DRC11: variants seen among roughly 807,000 people sequenced by gnomAD.
DRC11 encodes IQ and AAA domain-containing protein 1.
chr2:236,357,579 TA>T, the DRC11 span, among the ~76,000 whole-genome samples: 1 of 127,104 alleles, frequency 7.9e-6, no homozygotes, highest in Non-Finnish European at 1.5e-5. Flanking sequence ...CATAGTTATA[TA>T]TTATAAATAT....
At chr2:236,444,862 A>G in the DRC11 span, among the ~76,000 whole-genome samples, 1 of 152,228 alleles carries the variant, frequency 6.6e-6, no homozygotes, top group Non-Finnish European at 1.5e-5. Context: ...CTGACATTCA[A>G]AGATGGCAGA....
chr2:236,457,757 C>T, the DRC11 span, among the ~76,000 whole-genome samples: 1 of 152,148 alleles, frequency 6.6e-6, no homozygotes, highest in Admixed American at 6.5e-5. The surrounding 1 kb of genome is among the most constrained non-coding windows in gnomAD (Gnocchi z 4.7). Context: ...AGCGATGTGG[C>T]CACAAGCCAA....
At chr2:236,408,794 G>A in the DRC11 span, 1 of 669,018 alleles carries the variant, frequency 1.5e-6, no homozygotes, top group Non-Finnish European at 2.8e-6. This position sits in a 1 kb window ranked among gnomAD's most constrained non-coding sequence, Gnocchi z 5.5. Flanking sequence ...GAGGTTTGAG[G>A]GGTTTCCACA....
chr2:236,387,375 G>A, the DRC11 span, among the ~76,000 whole-genome samples: 2 of 152,074 alleles, frequency 1.3e-5, no homozygotes, highest in African/African-American at 4.8e-5. Context: ...ATTTAGGATA[G>A]TTAGCTCTTC....
At chr2:236,356,378 A>G in the DRC11 span, among the ~76,000 whole-genome samples, 1 of 152,110 alleles carries the variant, frequency 6.6e-6, no homozygotes, top group Non-Finnish European at 1.5e-5. Flanking sequence ...TCACACTGGG[A>G]TATTCCCAGC....
the DRC11 span, among the ~76,000 whole-genome samples, chr2:236,344,044 T>C: frequency 6.0e-5 from 9 of 150,568 alleles, no homozygotes; most frequent in Non-Finnish European, 1.2e-4. Context: ...TTGTGGGAAA[T>C]TTGCTGGTGA....
At chr2:236,403,397 G>C in the DRC11 span, among the ~76,000 whole-genome samples, 1 of 151,974 alleles carries the variant, frequency 6.6e-6, no homozygotes, top group Non-Finnish European at 1.5e-5. Context: ...GATGGCTCTT[G>C]AAAGGACCAA....
chr2:236,443,359 C>A, the DRC11 span, among the ~76,000 whole-genome samples: 1 of 152,078 alleles, frequency 6.6e-6, no homozygotes. The surrounding 1 kb of genome is among the most constrained non-coding windows in gnomAD (Gnocchi z 4.4). Flanking sequence ...CCCCAACAGG[C>A]CCTCCCCATG....
At chr2:236,399,567 G>A in the DRC11 span, 254 of 1,182,836 alleles carry the variant, frequency 2.1e-4, 1 homozygote, top group Non-Finnish European at 2.9e-4. This position sits in a 1 kb window ranked among gnomAD's most constrained non-coding sequence, Gnocchi z 7.0. Flanking sequence ...TAACCGTGAC[G>A]AGGGTCCATG....
At chr2:236,400,739 C>T in the DRC11 span, among the ~76,000 whole-genome samples, 3 of 152,160 alleles carry the variant, frequency 2.0e-5, no homozygotes, top group South Asian at 2.1e-4. This position sits in a 1 kb window ranked among gnomAD's most constrained non-coding sequence, Gnocchi z 7.9. Flanking sequence ...TGGGCTCTTC[C>T]GTTTCTGGGC....
At chr2:236,374,779 C>T in the DRC11 span, among the ~76,000 whole-genome samples, 1 of 152,172 alleles carries the variant, frequency 6.6e-6, no homozygotes, top group East Asian at 1.9e-4. Context: ...CAACCTCCAC[C>T]TCCCGGGTTC....
At chr2:236,437,629 C>T in the DRC11 span, among the ~76,000 whole-genome samples, 1 of 150,068 alleles carries the variant, frequency 6.7e-6, no homozygotes, top group Non-Finnish European at 1.5e-5. Flanking sequence ...TTAATGATTG[C>T]CATTCTAACT....
At chr2:236,345,733 G>A in the DRC11 span, among the ~76,000 whole-genome samples, 3 of 152,230 alleles carry the variant, frequency 2.0e-5, no homozygotes, top group East Asian at 1.9e-4. Flanking sequence ...CTGTGATAGC[G>A]AAGTTCAGGT....
chr2:236,356,992 CTA>C, the DRC11 span, among the ~76,000 whole-genome samples: 8 of 85,560 alleles, frequency 9.4e-5, 1 homozygote, highest in African/African-American at 1.7e-4. Context: ...TATTATATAT[CTA>C]TATATTTATA....
chr2:236,308,687 A>G, the DRC11 span, among the ~76,000 whole-genome samples: 1 of 152,350 alleles, frequency 6.6e-6, no homozygotes, highest in East Asian at 1.9e-4. This position sits in a 1 kb window ranked among gnomAD's most constrained non-coding sequence, Gnocchi z 6.0. Context: ...AAAGGAATTC[A>G]TTGAGTTTTA....
the DRC11 span, among the ~76,000 whole-genome samples, chr2:236,434,159 C>T: frequency 5.5e-4 from 83 of 152,230 alleles, 1 homozygote; most frequent in South Asian, 6.2e-4. The surrounding 1 kb of genome is among the most constrained non-coding windows in gnomAD (Gnocchi z 5.5). Context: ...TGTGCTAACA[C>T]GTTAGTTAAA....
chr2:236,330,226 A>G, the DRC11 span, among the ~76,000 whole-genome samples: 1 of 152,202 alleles, frequency 6.6e-6, no homozygotes, highest in African/African-American at 2.4e-5. The surrounding 1 kb of genome is among the most constrained non-coding windows in gnomAD (Gnocchi z 5.5). Context: ...GGGGGTCAGC[A>G]AAATATGGCT....
chr2:236,357,899 A>C, the DRC11 span, among the ~76,000 whole-genome samples: 2 of 123,696 alleles, frequency 1.6e-5, no homozygotes, highest in African/African-American at 3.3e-5. Context: ...TGTATTTATA[A>C]TATATAAATA....
At chr2:236,446,206 G>A in the DRC11 span, among the ~76,000 whole-genome samples, 12 of 152,120 alleles carry the variant, frequency 7.9e-5, no homozygotes, top group Admixed American at 1.3e-4. This position sits in a 1 kb window ranked among gnomAD's most constrained non-coding sequence, Gnocchi z 6.2. Flanking sequence ...AGTCGGTCCC[G>A]CTCCTGTTGT....
Sources: gnomAD v4.1 joint callset for allele counts (sites outside exome capture counted in the v4.1 genomes callset) on GRCh38, gnomAD v4.1.1 for gene constraint, Gnocchi (gnomAD v3.1) non-coding constraint, MANE v1.5 for transcripts, NCBI Gene and HGNC (gene_info 2026-07-23, HGNC 2026-07-21) for gene names.